BLTP2: variants seen among roughly 807,000 people sequenced by gnomAD.
BLTP2 encodes the protein U937-associated antigen.
At chr17:28,635,603 A>G in the BLTP2 span, 2 of 1,610,008 alleles carry the variant, frequency 1.2e-6, no homozygotes, top group South Asian at 1.1e-5. Flanking sequence ...CCTGCACCAC[A>G]CTGAACCTTT....
the BLTP2 span, chr17:28,639,175 TA>T: frequency 1.2e-6 from 1 of 820,362 alleles, no homozygotes; most frequent in South Asian, 1.5e-5. Context: ...GAAAGATATA[TA>T]AAACAGGATT....
the BLTP2 span, chr17:28,617,367 A>G: frequency 5.8e-6 from 8 of 1,386,350 alleles, no homozygotes; most frequent in Non-Finnish European, 8.2e-6. Context: ...CTTTCTCAGA[A>G]GTCTACTAGA....
chr17:28,640,570 TATTCATGGACA>T, the BLTP2 span: 2 of 1,614,198 alleles, frequency 1.2e-6, no homozygotes, highest in Non-Finnish European at 1.7e-6. Flanking sequence ...CTCTTTTGAC[TATTCATGGACA>T]ATACCACGCT....
chr17:28,628,345 C>T, the BLTP2 span: 5 of 1,614,092 alleles, frequency 3.1e-6, no homozygotes, highest in Admixed American at 8.3e-5. Context: ...AGTTGGGACA[C>T]CCCGCTTTGG....
the BLTP2 span, chr17:28,623,695 C>G: frequency 1.5e-6 from 2 of 1,360,316 alleles, no homozygotes; most frequent in Non-Finnish European, 2.1e-6. Context: ...CAAGAATCTT[C>G]CAGCCATTAG....
the BLTP2 span, among the ~76,000 whole-genome samples, chr17:28,636,713 A>G: frequency 6.6e-6 from 1 of 152,292 alleles, no homozygotes; most frequent in South Asian, 2.1e-4. Context: ...ATCAGGTGTC[A>G]TATTTCTCAT....
the BLTP2 span, chr17:28,638,369 T>C: frequency 1.2e-6 from 2 of 1,614,112 alleles, no homozygotes; most frequent in Non-Finnish European, 8.5e-7. Context: ...GGTCCACAGT[T>C]AGGACGCCCC....
At chr17:28,618,859 G>C in the BLTP2 span, 2 of 1,613,992 alleles carry the variant, frequency 1.2e-6, no homozygotes, top group Non-Finnish European at 1.7e-6. Flanking sequence ...TCTGTCAGGC[G>C]CCACCGTGCC....
At chr17:28,638,320 G>C in the BLTP2 span, 1 of 1,613,828 alleles carries the variant, frequency 6.2e-7, no homozygotes, top group Non-Finnish European at 8.5e-7. Flanking sequence ...TGTGGCGCCC[G>C]CTGAATGTGG....
the BLTP2 span, among the ~76,000 whole-genome samples, chr17:28,619,139 G>C: frequency 6.6e-6 from 1 of 152,110 alleles, no homozygotes; most frequent in Non-Finnish European, 1.5e-5. Context: ...GACATTCTAG[G>C]TCATAGGAGC....
At chr17:28,644,229 T>C in the BLTP2 span, 6 of 1,601,384 alleles carry the variant, frequency 3.7e-6, no homozygotes, top group Non-Finnish European at 4.3e-6. Context: ...CTTTTTCCAA[T>C]GATGGTTTCC....
At chr17:28,629,046 T>C in the BLTP2 span, among the ~76,000 whole-genome samples, 5 of 152,126 alleles carry the variant, frequency 3.3e-5, no homozygotes, top group South Asian at 1.0e-3. Context: ...TACTGTATTT[T>C]ATTCTTTATC....
chr17:28,634,195 T>C, the BLTP2 span: 145 of 992,220 alleles, frequency 1.5e-4, no homozygotes, highest in East Asian at 1.3e-4. Context: ...ACAAAGTCAA[T>C]TGAGAGAACA....
chr17:28,640,635 A>C, the BLTP2 span: 1 of 1,614,040 alleles, frequency 6.2e-7, no homozygotes, highest in Non-Finnish European at 8.5e-7. Context: ...CAGCTGCTGG[A>C]GAAGGAATAG....
the BLTP2 span, among the ~76,000 whole-genome samples, chr17:28,630,074 G>C: frequency 3.9e-5 from 6 of 152,134 alleles, no homozygotes; most frequent in African/African-American, 1.4e-4. Flanking sequence ...ATGTTGCCCA[G>C]GCTGGTCTGG....
chr17:28,615,562 C>T, the BLTP2 span: 5 of 1,457,720 alleles, frequency 3.4e-6, no homozygotes, highest in Admixed American at 5.9e-5. Flanking sequence ...CCTGCCCCTT[C>T]CCAAGGATAT....
the BLTP2 span, chr17:28,619,770 C>CA: frequency 6.2e-7 from 1 of 1,614,048 alleles, no homozygotes; most frequent in Non-Finnish European, 8.5e-7. Context: ...TGTCATCCTG[C>CA]AAAGACTAGG....
chr17:28,633,729 CACT>C, the BLTP2 span: 1 of 1,613,954 alleles, frequency 6.2e-7, no homozygotes, highest in South Asian at 1.1e-5. Flanking sequence ...GGCCCCACAC[CACT>C]GTGTACTGGA....
the BLTP2 span, chr17:28,640,464 G>A: frequency 4.9e-5 from 64 of 1,307,872 alleles, no homozygotes; most frequent in South Asian, 2.5e-4. Flanking sequence ...CTTTCTCCCC[G>A]TAGACAAGCT....
Sources: gnomAD v4.1 joint callset for allele counts (sites outside exome capture counted in the v4.1 genomes callset) on GRCh38, gnomAD v4.1.1 for gene constraint, MANE v1.5 for transcripts, NCBI Gene and HGNC (gene_info 2026-07-23, HGNC 2026-07-21) for gene names.